LHCGR: variants seen among roughly 807,000 people sequenced by gnomAD.
The protein encoded by LHCGR is lutropin-choriogonadotropic hormone receptor.
Under a neutral mutation model 60.7 loss-of-function variants are expected in LHCGR, and 55 were observed. The ratio of observed to expected loss-of-function variants is 0.91; its 90% CI spans 0.73 to 1.13. LHCGR has a LOEUF of 1.13. LHCGR is among the 50% of genes most tolerant of loss of function. The pLI, the probability that LHCGR is intolerant of heterozygous loss-of-function variation, is 0.00. For synonymous variants in LHCGR, 337 were observed against 316.5 expected, an observed-to-expected ratio of 1.06 and a Z score of -0.69; for missense variants, 862 against 836.0, an observed-to-expected ratio of 1.03 and a Z score of -0.38.
At position 48,729,165 on chromosome 2, in the gene LHCGR, T is replaced by C. The variant is rs773619386; in HGVS notation, c.296A>G (p.Asn99Ser). Residue 99 changes from asparagine to serine, a missense_variant, in exon 3 of 11, where the codon AAT (asparagine) becomes AGT (serine). Coordinates refer to ENST00000294954, the MANE Select transcript of LHCGR (RefSeq NM_000233.4). ...AGCTGATGCTTACATTTCAGACAAA[T>C]TGAGGAGGTTGTCAAAGGCATTAGC... ...IEANAFDNLL[N>S]LSEILIQNTK... 5 of 1,610,444 alleles carry C rather than the reference T, an allele frequency of 3.1e-6. No homozygotes were observed. In the African/African-American group the frequency reaches 5.3e-5, roughly 17 times the overall value.
At chr2:48,751,540 C>T (rs564499199) in intron 1 of LHCGR, among the ~76,000 whole-genome samples, 2 of 152,292 alleles carry the variant, frequency 1.3e-5, no homozygotes, top group Admixed American at 1.3e-4. Context: ...GCCTTGTTGT[C>T]TTTCTCTCTA....
At chr2:48,699,932 A>T (rs1667325334) in intron 8 of LHCGR, among the ~76,000 whole-genome samples, 1 of 152,202 alleles carries the variant, frequency 6.6e-6, no homozygotes, top group Admixed American at 6.5e-5. Context: ...GCCTCACAAA[A>T]CTTTTCCAAG....
At chr2:48,748,955 G>C (rs2103730826) in intron 1 of LHCGR, among the ~76,000 whole-genome samples, 1 of 152,264 alleles carries the variant, frequency 6.6e-6, no homozygotes, top group Non-Finnish European at 1.5e-5. Flanking sequence ...ACCCTACCCT[G>C]TCACACCACA....
rs763095877 is a variant in LHCGR at position 48,687,818 on chromosome 2, G to A, written c.1979C>T (p.Thr660Ile). 4.3e-6 allele frequency: 7 copies of A among 1,614,162 alleles called. No homozygotes were observed. The Middle Eastern group carries it at 5.0e-4, about 114-fold the overall frequency. Residue 660 changes from threonine (T) to isoleucine (I), a missense_variant, in exon 11 of 11, where the codon ACC (threonine) becomes ATC (isoleucine). Coordinates refer to ENST00000294954, the MANE Select transcript of LHCGR (RefSeq NM_000233.4). The stretch of plus-strand genomic sequence containing the variant: ...AGTGAAGCCATTTTTGCAGTTGGAG[G>A]TGTAAGCTGAAAAATCTTTCCTTCT... ...LYRRKDFSAYTSNCKNGFTGS... is the reference protein window; with the variant it reads ...LYRRKDFSAYISNCKNGFTGS...
chr2:48,691,404 G>A (rs1666814175), intron 10 of LHCGR, among the ~76,000 whole-genome samples: 1 of 152,106 alleles, frequency 6.6e-6, no homozygotes. Context: ...AACCTCTCGT[G>A]TTTTATTATT....
intron 10 of LHCGR, among the ~76,000 whole-genome samples, chr2:48,689,807 C>G (rs373987318): frequency 2.0e-5 from 3 of 152,124 alleles, no homozygotes; most frequent in African/African-American, 2.4e-5. Flanking sequence ...CTCTGCCTCC[C>G]AGGTTCAAAC....
In LHCGR at chr2:48,737,860, C is replaced by G. The variant is rs146288304; in HGVS notation, c.162-6562G>C. Among the ~76,000 whole-genome samples, 41 of 152,300 alleles carry G rather than the reference C, an allele frequency of 2.7e-4. No individual in the cohort carries two copies. The East Asian group carries it at 7.7e-3, about 29-fold the overall frequency. On this transcript the variant is annotated intron_variant, in intron 1 of 10. Transcript: ENST00000294954. The stretch of plus-strand genomic sequence containing the variant: ...AAGGGTTGCTTACAAGTCATTTGGT[C>G]CAACCCCTCACTTTACAGAGAAAGA...
chr2:48,714,603 C>G (rs567250816), intron 6 of LHCGR, among the ~76,000 whole-genome samples: 1 of 151,714 alleles, frequency 6.6e-6, no homozygotes, highest in African/African-American at 2.4e-5. Context: ...CATAGTGAAT[C>G]AATTTACTTG....
chr2:48,703,114 G>A (rs1362810148), intron 8 of LHCGR, among the ~76,000 whole-genome samples: 1 of 152,038 alleles, frequency 6.6e-6, no homozygotes, highest in Non-Finnish European at 1.5e-5. Flanking sequence ...TTTTTTGATG[G>A]GTTTGTTTGT....
chr2:48,688,471 A>C lies in LHCGR; in HGVS notation c.1326T>G (p.Ala442=), dbSNP rs1031050013. Residue 442 remains alanine, a synonymous_variant, in exon 11 of 11, where the codon GCT becomes GCG. Coordinates refer to ENST00000294954, the MANE Select transcript of LHCGR (RefSeq NM_000233.4). The surrounding 1 kb of genome is among the most constrained non-coding windows in gnomAD (Gnocchi z 5.2). ...DWQTGSGCST[A]GFFTVFASEL... is the part of the protein sequence containing the mutation. ...CACTTGCGAATACAGTGAAAAAGCC[A>C]GCAGTGCTGCACCCACTCCCTGTCT... 1.9e-6 allele frequency: 3 copies of C among 1,614,114 alleles called. No homozygotes were observed. The African/African-American group carries it at 4.0e-5, about 22-fold the overall frequency.
rs760573763 is a variant in LHCGR at position 48,731,193 on chromosome 2, A to G, written c.233+34T>C. 5.0e-6 allele frequency: 7 copies of G among 1,395,358 alleles called. No individual in the cohort carries two copies. The African/African-American group carries it at 8.5e-5, about 17-fold the overall frequency. The allele number at this position is 1,395,358 out of a possible 1,614,324, so 86.4% of individuals were successfully genotyped here. The stretch of plus-strand genomic sequence containing the variant: ...TTAGAAAAAATTCATTATTCCAATT[A>G]CGAATGTCTTTTGATATGCAGTAAC... On this transcript the variant is annotated intron_variant, in intron 2 of 10. Transcript: ENST00000294954.
At chr2:48,709,056 G>C (rs757456053) in intron 7 of LHCGR, 34 bp from the exon 8 acceptor site, 1 of 1,533,482 alleles carries the variant, frequency 6.5e-7, no homozygotes, top group East Asian at 2.2e-5. Context: ...AGTGGAGTTT[G>C]TACCTCATGT....
chr2:48,714,109 G>A (rs969841791), intron 6 of LHCGR, 55 bp from the exon 7 acceptor site: 20 of 1,292,708 alleles, frequency 1.5e-5, no homozygotes, highest in East Asian at 2.3e-5. Context: ...GAAACAGTTT[G>A]GAAACACATT....
At position 48,687,509 on chromosome 2, in the gene LHCGR, A is replaced by G. The variant is rs1679951846; in HGVS notation, c.*188T>C. 3 of 543,262 alleles carry G rather than the reference A, an allele frequency of 5.5e-6. No homozygotes were observed. Among genetic ancestry groups the G allele is most frequent in the African/African-American group, 1.9e-5 (1 of 53,234 alleles). The allele number at this position is 543,262 out of a possible 1,614,324, so 33.7% of individuals were successfully genotyped here. A position where few individuals can be genotyped will look rare whatever the true frequency, so the allele number is the denominator to read the frequency against. On this transcript the variant is annotated 3_prime_UTR_variant, in exon 11 of 11. Coordinates refer to ENST00000294954, the MANE Select transcript of LHCGR (RefSeq NM_000233.4). ...ACTTCAGTATTTATGCCATGTAACA[A>G]TGACAAATAGTTTTTAGTGTGGCAG...
At chr2:48,739,668 G>C (rs181784495) in intron 1 of LHCGR, among the ~76,000 whole-genome samples, 4,619 of 152,060 alleles carry the variant, frequency 0.03, 110 homozygotes, top group Middle Eastern at 0.065. Context: ...GTTGTGGGGT[G>C]GGGGGAGTGG....
At chr2:48,743,434 A>G (rs1466345521) in intron 1 of LHCGR, among the ~76,000 whole-genome samples, 1 of 152,212 alleles carries the variant, frequency 6.6e-6, no homozygotes, top group East Asian at 1.9e-4. Context: ...CATTGATACA[A>G]AAATCCTCAA....
chr2:48,732,336 C>T (rs1321141361), intron 1 of LHCGR, among the ~76,000 whole-genome samples: 2 of 152,186 alleles, frequency 1.3e-5, no homozygotes, highest in Non-Finnish European at 2.9e-5. Flanking sequence ...AAGATGCTGT[C>T]TTGTTTTTAA....
chr2:48,752,981 C>CGGGGGGGGGGGGGGGGGGGGGGGG (rs60837194), intron 1 of LHCGR, among the ~76,000 whole-genome samples: 13 of 7,612 alleles, frequency 1.7e-3, no homozygotes, highest in African/African-American at 3.3e-3. Context: ...CGGATTTTGG[C>CGGGGGGGGGGGGGGGGGGGGGGGG]GGGGGGGGGG....
chr2:48,717,407 C>G (rs4531984), intron 6 of LHCGR, among the ~76,000 whole-genome samples: 18,289 of 152,118 alleles, frequency 0.12, 1,298 homozygotes, highest in Middle Eastern at 0.23. Context: ...TACCATCTCT[C>G]TACATTAGTT....
Sources: allele counts gnomAD v4.1 joint callset (sites outside exome capture counted in the v4.1 genomes callset), GRCh38; gene constraint gnomAD v4.1.1; non-coding constraint Gnocchi (gnomAD v3.1); transcripts MANE v1.5; gene names NCBI Gene and HGNC (gene_info 2026-07-23, HGNC 2026-07-21).